The following SLC4A10 variants were observed in gnomAD, a reference collection of about 807,000 sequenced individuals.
The protein encoded by SLC4A10 is solute carrier family 4 member 10.
In SLC4A10, 42 loss-of-function variants were observed where a neutral mutation model predicts 137.7. The ratio of observed to expected loss-of-function variants is 0.30; its 90% CI spans 0.24 to 0.39. The LOEUF (loss-of-function observed/expected upper bound fraction) is 0.39. SLC4A10 is among the 10% of genes least tolerant of loss of function. The pLI is 1.00. For synonymous variants in SLC4A10, 474 were observed against 464.1 expected, an observed-to-expected ratio of 1.02 and a Z score of -0.27; for missense variants, 925 against 1,355.0, an observed-to-expected ratio of 0.68 and a Z score of 4.98.
Position 161,743,568 on chromosome 2 carries a change from T to G in SLC4A10, c.49-27405T>G, listed in dbSNP as rs577946089. 1.4e-4 allele frequency among the ~76,000 whole-genome samples: 21 copies of G among 152,130 alleles called. 1 individual carries two copies. The highest frequency in any genetic ancestry group is 6.8e-3 in the Middle Eastern group (2 of 294). On this transcript the variant is annotated intron_variant, in intron 1 of 26. Transcript: ENST00000446997. ...CAGGTAATGTGATTCCTCCAGTTTTTTTTGTTTGTTTGTTTGTTTGTTTTT... is the reference window on the plus strand; with the variant it reads ...CAGGTAATGTGATTCCTCCAGTTTTGTTTGTTTGTTTGTTTGTTTGTTTTT...
chr2:161,735,435 C>A (rs966860628), intron 1 of SLC4A10, among the ~76,000 whole-genome samples: 14 of 152,040 alleles, frequency 9.2e-5, no homozygotes, highest in African/African-American at 3.4e-4. Context: ...ATGACTCAGA[C>A]ATTTCATGAT....
rs549915435 is a variant in SLC4A10, at chr2:161,718,255, C to A, written c.49-52718C>A. 1.6e-4 allele frequency among the ~76,000 whole-genome samples: 24 copies of A among 152,020 alleles called. No individual in the cohort carries two copies. The South Asian group carries it at 5.0e-3, about 32-fold the overall frequency. On this transcript the variant is annotated intron_variant, in intron 1 of 26. Transcript: ENST00000446997. ...TTTTAAAAAAATCACCTCCTGGATT[C>A]GTTGATTTTTTGAAGGGTTTTTTTG...
chr2:161,958,234 T>G (rs1000198419), intron 20 of SLC4A10, among the ~76,000 whole-genome samples: 7 of 152,184 alleles, frequency 4.6e-5, no homozygotes, highest in Non-Finnish European at 8.8e-5. Context: ...ACCTATTAAA[T>G]AATTATAACA....
At chr2:161,770,928 T>G (rs1030224031) in intron 1 of SLC4A10, 45 bp from the exon 2 acceptor site, 5 of 1,371,244 alleles carry the variant, frequency 3.6e-6, no homozygotes, top group Non-Finnish European at 5.1e-6. Flanking sequence ...GAAATTGAGA[T>G]AATATGTGTG....
intron 1 of SLC4A10, among the ~76,000 whole-genome samples, chr2:161,730,563 A>G (rs1559126317): frequency 1.3e-5 from 2 of 152,324 alleles, no homozygotes. Context: ...TCTGAATATT[A>G]TAATTTTCCA....
chr2:161,982,774 A>C (rs934753350), intron 26 of SLC4A10, among the ~76,000 whole-genome samples: 3 of 152,234 alleles, frequency 2.0e-5, no homozygotes, highest in Non-Finnish European at 4.4e-5. Flanking sequence ...AGCAGAGCCC[A>C]GAAATGCCTC....
At chr2:161,646,327 ATGT>A (rs1443969494) in intron 1 of SLC4A10, among the ~76,000 whole-genome samples, 2 of 151,972 alleles carry the variant, frequency 1.3e-5, no homozygotes, top group Non-Finnish European at 2.9e-5. Flanking sequence ...ATTTTTTATG[ATGT>A]TCTTCAATTT....
At chr2:161,971,320 T>G (rs1400410604) in intron 23 of SLC4A10, among the ~76,000 whole-genome samples, 1 of 152,172 alleles carries the variant, frequency 6.6e-6, no homozygotes, top group East Asian at 1.9e-4. Context: ...ATCTGAAAAC[T>G]GCTTTGGCTG....
chr2:161,964,474 T>A (rs547522513), intron 22 of SLC4A10, among the ~76,000 whole-genome samples, 166 bp downstream of exon 22: 18 of 152,314 alleles, frequency 1.2e-4, no homozygotes, highest in Admixed American at 3.9e-4. Flanking sequence ...TAAGAATGCC[T>A]ATGAATTTCA....
intron 1 of SLC4A10, among the ~76,000 whole-genome samples, chr2:161,669,361 G>A (rs886143662): frequency 6.6e-6 from 1 of 151,588 alleles, no homozygotes. Context: ...ATTTATATAT[G>A]TACACACAGA....
Position 161,942,841 on chromosome 2 carries a change from T to A in SLC4A10, c.2047T>A (p.Trp683Arg). The change falls in exon 16 of 27, where the codon TGG becomes AGG. Residue 683 changes from tryptophan (W) to arginine (R), a missense_variant. Transcript: ENST00000446997. ...TCCCAGCAATGGCACATTGAAGGAA[T>A]GGAGGGAATCCAATATTTCTGCCTC... ...HNPSNGTLKE[W>R]RESNISASDI... 2.5e-6 allele frequency: 4 copies of A among 1,606,168 alleles called. No homozygotes were observed. The highest frequency in any genetic ancestry group is 3.4e-6 in the Non-Finnish European group (4 of 1,176,134).
chr2:161,780,337 A>C (rs530550149), intron 2 of SLC4A10, among the ~76,000 whole-genome samples: 3 of 152,158 alleles, frequency 2.0e-5, no homozygotes, highest in Admixed American at 6.6e-5. Context: ...CTTAAAATGG[A>C]ATCTCTCATT....
At chr2:161,885,293 A>G (rs1175255755) in intron 10 of SLC4A10, among the ~76,000 whole-genome samples, 3 of 152,254 alleles carry the variant, frequency 2.0e-5, no homozygotes, top group Non-Finnish European at 4.4e-5. Flanking sequence ...GGTTAAAAAA[A>G]ATAGTGCATT....
intron 1 of SLC4A10, among the ~76,000 whole-genome samples, chr2:161,765,303 C>T (rs1187646720): frequency 6.6e-6 from 1 of 152,032 alleles, no homozygotes; most frequent in Non-Finnish European, 1.5e-5. Flanking sequence ...AATTGATTAT[C>T]TTATAAATGT....
chr2:161,669,071 T>C (rs1241058992), intron 1 of SLC4A10, among the ~76,000 whole-genome samples: 2 of 151,978 alleles, frequency 1.3e-5, no homozygotes, highest in Non-Finnish European at 2.9e-5. Flanking sequence ...TCAGTATTTG[T>C]GATAAATTAG....
At chr2:161,906,575 A>C (rs1384246515) in intron 15 of SLC4A10, among the ~76,000 whole-genome samples, 1 of 152,146 alleles carries the variant, frequency 6.6e-6, no homozygotes, top group African/African-American at 2.4e-5. Context: ...TTAATTGTAG[A>C]ATTTTTTATT....
intron 9 of SLC4A10, among the ~76,000 whole-genome samples, chr2:161,880,550 G>A (rs1197509966): frequency 6.6e-6 from 1 of 152,046 alleles, no homozygotes; most frequent in Non-Finnish European, 1.5e-5. Flanking sequence ...TGTTTATCCT[G>A]TTTGAGAGTT....
At chr2:161,809,281 G>A (rs909647706) in intron 3 of SLC4A10, among the ~76,000 whole-genome samples, 3 of 152,040 alleles carry the variant, frequency 2.0e-5, no homozygotes, top group Admixed American at 2.0e-4. Flanking sequence ...CGGGGTATCA[G>A]ACATTTTTTG....
intron 1 of SLC4A10, among the ~76,000 whole-genome samples, chr2:161,690,171 G>A (rs2041838019): frequency 6.6e-6 from 1 of 152,166 alleles, no homozygotes; most frequent in African/African-American, 2.4e-5. Context: ...AGACATTTAT[G>A]TGGCCAATAA....
Sources: allele counts gnomAD v4.1 joint callset (sites outside exome capture counted in the v4.1 genomes callset), GRCh38; gene constraint gnomAD v4.1.1; transcripts MANE v1.5; gene names NCBI Gene and HGNC (gene_info 2026-07-23, HGNC 2026-07-21).